The following NOL4L variants were observed in gnomAD, a reference collection of about 807,000 sequenced individuals.
NOL4L encodes the protein nucleolar protein 4-like.
Under a neutral mutation model 64.5 loss-of-function variants are expected in NOL4L, and 7 were observed. The ratio of observed to expected loss-of-function variants is 0.11; its 90% CI spans 0.06 to 0.20. The LOEUF (loss-of-function observed/expected upper bound fraction) is 0.20, where lower values mean the gene tolerates loss of function less well. Ranked by LOEUF, NOL4L falls within the 10% of genes least tolerant of loss-of-function variation. The probability of loss-of-function intolerance (pLI) is 1.00; values close to 1 mark genes in which losing one functional copy is unlikely to be tolerated. For missense variants in NOL4L, 680 were observed against 967.1 expected (o/e 0.70, Z 3.94); for synonymous variants, 413 against 401.0 (o/e 1.03, Z -0.36).
At chr20:32,509,259 C>T (rs1375482472) in intron 4 of NOL4L, among the ~76,000 whole-genome samples, 2 of 151,920 alleles carry the variant, frequency 1.3e-5, no homozygotes, top group Non-Finnish European at 2.9e-5. Context: ...GGATGCCAGC[C>T]GGAATCTCAG....
In NOL4L at chr20:32,499,185, T is replaced by C. The variant is rs185061715; in HGVS notation, c.699+12162A>G. 2.9e-3 allele frequency among the ~76,000 whole-genome samples: 436 copies of C among 151,668 alleles called. 3 individuals carry two copies. Among genetic ancestry groups the C allele is most frequent in the African/African-American group, 9.2e-3 (382 of 41,334 alleles). On this transcript the variant is annotated intron_variant, in intron 4 of 10. Coordinates refer to ENST00000621426, the MANE Select transcript of NOL4L (RefSeq NM_001256798.2). ...AGCCACTGCTCCTGGCCAAAAAAAA[T>C]TTTTTTTTAAATAAATGCCCTATTT...
intron 1 of NOL4L, among the ~76,000 whole-genome samples, chr20:32,576,517 C>G (rs1049918859): frequency 1.8e-4 from 28 of 152,140 alleles, no homozygotes; most frequent in African/African-American, 6.8e-4. Flanking sequence ...GCTTGGGAAC[C>G]AGTGGCTCAC....
intron 1 of NOL4L, among the ~76,000 whole-genome samples, chr20:32,545,121 G>T (rs1249200705): frequency 3.0e-4 from 45 of 152,078 alleles, no homozygotes; most frequent in Admixed American, 2.9e-3. Flanking sequence ...ATACTTAAAA[G>T]TTGGGGCTGG....
chr20:32,557,078 T>C (rs1459367594), intron 1 of NOL4L, among the ~76,000 whole-genome samples: 4 of 152,202 alleles, frequency 2.6e-5, no homozygotes, highest in Non-Finnish European at 4.4e-5. Flanking sequence ...GGGTTCTACC[T>C]GGTGGGGATA....
chr20:32,483,580 G>C, intron 4 of NOL4L: 1 of 948,166 alleles, frequency 1.1e-6, no homozygotes, highest in Non-Finnish European at 1.2e-6. Flanking sequence ...CGGCGGCGGC[G>C]CCGCGGCCCG....
In NOL4L at chr20:32,460,259, T is replaced by C. The variant is rs138765274; in HGVS notation, c.842-3864A>G. 3.9e-5 allele frequency among the ~76,000 whole-genome samples: 6 copies of C among 152,232 alleles called. No homozygotes were observed. The highest frequency in any genetic ancestry group is 7.3e-5 in the Non-Finnish European group (5 of 68,042). On this transcript the variant is annotated intron_variant, in intron 5 of 10. Coordinates refer to ENST00000621426, the MANE Select transcript of NOL4L (RefSeq NM_001256798.2). The surrounding 1 kb of genome is among the most constrained non-coding windows in gnomAD (Gnocchi z 5.7). ...CCCCTTTGCCCTAGTTTATAGGCTCTATCTGCCATTATCTCATTTTCTCAT... is the reference window on the plus strand; with the variant it reads ...CCCCTTTGCCCTAGTTTATAGGCTCCATCTGCCATTATCTCATTTTCTCAT...
intron 1 of NOL4L, among the ~76,000 whole-genome samples, chr20:32,543,049 TC>T (rs1420106324): frequency 3.3e-5 from 5 of 152,230 alleles, no homozygotes; most frequent in Non-Finnish European, 7.4e-5. Flanking sequence ...CAGCTAGTGA[TC>T]ATTACCATGT....
intron 4 of NOL4L, among the ~76,000 whole-genome samples, chr20:32,502,994 A>G (rs996299290): frequency 7.9e-5 from 12 of 152,212 alleles, no homozygotes; most frequent in Non-Finnish European, 1.5e-4. Context: ...CCCAGAAGTG[A>G]TTTCTGTAGG....
chr20:32,454,197 G>C (rs1379927646), intron 6 of NOL4L: 1 of 181,160 alleles, frequency 5.5e-6, no homozygotes, highest in Non-Finnish European at 1.2e-5. Context: ...GATCCCCAAG[G>C]GGCTGCAACC....
intron 1 of NOL4L, among the ~76,000 whole-genome samples, chr20:32,534,795 C>T (rs1287229464): frequency 1.3e-5 from 2 of 150,764 alleles, no homozygotes; most frequent in Non-Finnish European, 1.5e-5. Flanking sequence ...GTGGGAGGAT[C>T]ACTTGAGCCT....
chr20:32,465,980 C>CTT (rs34290597), intron 5 of NOL4L, among the ~76,000 whole-genome samples: 226 of 129,084 alleles, frequency 1.8e-3, no homozygotes, highest in Middle Eastern at 0.016. Flanking sequence ...CACCTCCATT[C>CTT]TTTTTTTTTT....
intron 3 of NOL4L, chr20:32,519,497 C>T (rs1334149955): frequency 6.6e-6 from 1 of 152,232 alleles, no homozygotes; most frequent in East Asian, 1.9e-4. Context: ...CTTCCACAGG[C>T]CCGATGCCCG....
chr20:32,447,745 T>C lies in NOL4L; in HGVS notation c.1894A>G (p.Thr632Ala). 6.4e-7 allele frequency: 1 copy of C among 1,560,298 alleles called. No individual in the cohort carries two copies. The highest frequency in any genetic ancestry group is 8.7e-7 in the Non-Finnish European group (1 of 1,149,470). The change falls in exon 11 of 11, where the codon ACC (threonine) becomes GCC (alanine). Residue 632 changes from threonine to alanine, a missense_variant. Thr to Ala is a moderately conservative substitution (Grantham distance 58, BLOSUM62 0). Around this residue, in one of 4 missense-constraint regions of NOL4L, gnomAD observed 175 missense variants for 227.0 expected, o/e 0.77. Transcript: ENST00000621426. ...GTGGGCACGGGCCTGCTGGTGCTGGTGCTGGAGGGGGTGGGCGTGGGGGTG... is the reference window on the plus strand; with the variant it reads ...GTGGGCACGGGCCTGCTGGTGCTGGCGCTGGAGGGGGTGGGCGTGGGGGTG... ...STTPTPTPSS[T>A]STSRPVPTAQ... is the part of the protein sequence containing the mutation.
intron 3 of NOL4L, among the ~76,000 whole-genome samples, chr20:32,516,843 C>T (rs2017688108): frequency 6.6e-6 from 1 of 152,238 alleles, no homozygotes; most frequent in African/African-American, 2.4e-5. Flanking sequence ...AAGTGGACAA[C>T]CTGCCTACTG....
At chr20:32,480,642 C>G (rs544604582) in intron 4 of NOL4L, among the ~76,000 whole-genome samples, 7 of 152,352 alleles carry the variant, frequency 4.6e-5, no homozygotes, top group Non-Finnish European at 8.8e-5. Flanking sequence ...ACACACGCAG[C>G]CTTCTGAGCA....
At chr20:32,510,359 A>C in intron 4 of NOL4L, 2 of 232,650 alleles carry the variant, frequency 8.6e-6, no homozygotes, top group Non-Finnish European at 8.8e-6. Context: ...ACCCAGCTGA[A>C]GTCCTCAAAC....
Position 32,447,814 on chromosome 20 carries a change from G to A in NOL4L, c.1825C>T (p.Pro609Ser). 2 of 1,549,956 alleles carry A rather than the reference G, an allele frequency of 1.3e-6. No individual in the cohort carries two copies. Among genetic ancestry groups the A allele is most frequent in the Non-Finnish European group, 8.7e-7 (1 of 1,146,392 alleles). Residue 609 changes from proline to serine, a missense_variant and splice_region_variant, in exon 11 of 11, where the codon CCC becomes TCC. By Grantham distance (74) the Pro-to-Ser change is moderately conservative. Coordinates refer to ENST00000621426, the MANE Select transcript of NOL4L (RefSeq NM_001256798.2). Reference protein sequence around the residue: ...SLQTGNHSNGPTDLSMKGGAS... With the variant: ...SLQTGNHSNGSTDLSMKGGAS... ...CCGCCTTTCATGCTGAGGTCCGTGG[G>A]CCCTGTGGAGAGGGAAGTAGGGTGA...
intron 4 of NOL4L, among the ~76,000 whole-genome samples, chr20:32,477,888 C>G (rs1234514998): frequency 6.6e-6 from 1 of 152,244 alleles, no homozygotes; most frequent in African/African-American, 2.4e-5. Context: ...TCAAAATCAC[C>G]TGATTAGGAG....
intron 3 of NOL4L, among the ~76,000 whole-genome samples, chr20:32,513,827 C>T (rs969988297): frequency 6.6e-6 from 1 of 152,184 alleles, no homozygotes; most frequent in Non-Finnish European, 1.5e-5. Flanking sequence ...GCCTGGGTGA[C>T]AGAGACTGTG....
Sources: allele counts gnomAD v4.1 joint callset (sites outside exome capture counted in the v4.1 genomes callset), GRCh38; gene constraint gnomAD v4.1.1; regional missense constraint gnomAD v4.1.1; non-coding constraint Gnocchi (gnomAD v3.1); transcripts MANE v1.5; gene names NCBI Gene and HGNC (gene_info 2026-07-23, HGNC 2026-07-21).